Variants in ZPBP2 observed in about 807,000 individuals in gnomAD.
ZPBP2 encodes the protein zona pellucida binding protein 2.
Under a neutral mutation model 37.5 loss-of-function variants are expected in ZPBP2, and 34 were observed. The observed-to-expected ratio is 0.91, with a 90% CI of 0.69 to 1.21. The LOEUF is 1.21. Ranked by LOEUF, ZPBP2 falls within the 50% of genes most tolerant of loss-of-function variation. The probability of loss-of-function intolerance (pLI) is 0.00; values close to 1 mark genes in which losing one functional copy is unlikely to be tolerated. For synonymous variants in ZPBP2, 143 were observed against 138.4 expected (o/e 1.03, Z -0.23); for missense variants, 397 against 413.5 (o/e 0.96, Z 0.35).
Position 39,871,570 on chromosome 17 carries a change from A to G in ZPBP2, c.351A>G (p.Lys117=). The change falls in exon 4 of 8, where the codon AAA becomes AAG. Residue 117 remains lysine (K), a synonymous_variant. Transcript: ENST00000348931. ...GTACTCTTTCTTATAAGACTGTTAA[A>G]GCAGAAACTCAAGAAGAAAAAACAG... ...YTCTLSYKTV[K]AETQEEKTVK... is the part of the protein sequence containing the mutation. The G allele has an allele frequency of 6.2e-7, 1 of 1,601,184 alleles. No individual in the cohort carries two copies. The highest frequency in any genetic ancestry group is 8.5e-7 in the Non-Finnish European group (1 of 1,175,302).
Position 39,873,056 on chromosome 17 carries a change from C to T in ZPBP2, c.638C>T (p.Ala213Val), listed in dbSNP as rs1320691415. The T allele has an allele frequency of 5.0e-6, 8 of 1,610,264 alleles. No individual in the cohort carries two copies. The highest frequency in any genetic ancestry group is 1.7e-5 in the Admixed American group (1 of 59,482). ...TTTTTCTCTTCAGTTAATCCTTTTG[C>T]GCCGGGGTGGAAAGGTGCTTGCAAT... ...LFIAFQVNPF[A>V]PGWKGACNGS... is the part of the protein sequence containing the mutation. Residue 213 changes from alanine (A) to valine (V), a missense_variant, in exon 6 of 8, where the codon GCG (alanine) becomes GTG (valine). Ala to Val is a moderately conservative substitution (Grantham distance 64). Transcript: ENST00000348931.
chr17:39,869,554 G>A (rs1351893818), intron 2 of ZPBP2, among the ~76,000 whole-genome samples: 12 of 141,158 alleles, frequency 8.5e-5, no homozygotes, highest in South Asian at 2.3e-4. Context: ...ACAGGCGTGC[G>A]CCACCACGCC....
At chr17:39,870,158 C>T (rs1039171661) in intron 2 of ZPBP2, among the ~76,000 whole-genome samples, 2 of 152,192 alleles carry the variant, frequency 1.3e-5, no homozygotes, top group African/African-American at 4.8e-5. Flanking sequence ...AGTCTCCTCC[C>T]TCAGCCTCCC....
chr17:39,875,739 CT>C (rs1259551916), intron 7 of ZPBP2, among the ~76,000 whole-genome samples: 1 of 151,726 alleles, frequency 6.6e-6, no homozygotes, highest in Non-Finnish European at 1.5e-5. Flanking sequence ...GCTACCACAG[CT>C]GGCTAATTTT....
intron 7 of ZPBP2, 112 bp from the exon 8 acceptor site, chr17:39,876,570 G>A: frequency 8.2e-7 from 1 of 1,220,152 alleles, no homozygotes; most frequent in South Asian, 1.4e-5. Context: ...TATAGGTACT[G>A]AAATGGTATG....
Position 39,871,017 on chromosome 17 carries a change from C to T in ZPBP2, c.244+198C>T, listed in dbSNP as rs189018077. Among the ~76,000 whole-genome samples the T allele has an allele frequency of 3.5e-3, 534 of 152,150 alleles. 9 individuals are homozygous for T. Among genetic ancestry groups the T allele is most frequent in the Non-Finnish European group, 2.4e-3 (160 of 67,956 alleles). On this transcript the variant is annotated intron_variant, in intron 3 of 7. Coordinates refer to ENST00000348931, the MANE Select transcript of ZPBP2 (RefSeq NM_199321.3). ...AAAAACTGAAGCAGTAATTTTTGTG[C>T]CCTGCTTCTCAGAGCTGTATTAATT...
At chr17:39,868,989 G>C (rs1433564070) in intron 2 of ZPBP2, among the ~76,000 whole-genome samples, 2 of 152,078 alleles carry the variant, frequency 1.3e-5, no homozygotes, top group Admixed American at 6.5e-5. Context: ...AAACTCCCAC[G>C]CATCCTTCAG....
intron 7 of ZPBP2, 70 bp downstream of exon 7, chr17:39,875,504 G>T: frequency 9.0e-7 from 1 of 1,111,250 alleles, no homozygotes; most frequent in East Asian, 2.8e-5. Flanking sequence ...TAATTCACTT[G>T]GCATAACTGA....
At chr17:39,874,182 G>A (rs182735784) in intron 6 of ZPBP2, among the ~76,000 whole-genome samples, 104 of 151,804 alleles carry the variant, frequency 6.9e-4, no homozygotes, top group Admixed American at 1.5e-3. Context: ...TATCAGAGAC[G>A]GGGTTTCACC....
At position 39,875,347 on chromosome 17, in the gene ZPBP2, C is replaced by A; in HGVS notation, c.802C>A (p.His268Asn). 2 of 1,614,028 alleles carry A rather than the reference C, an allele frequency of 1.2e-6. No homozygotes were observed. The highest frequency in any genetic ancestry group is 1.7e-6 in the Non-Finnish European group (2 of 1,179,998). ...TCTACCAGCAATGCATTTTGTGGAC[C>A]ACAGTTTGCAAGTAGTACGTCTGGA... Reference protein sequence around the residue: ...KTLPAMHFVDHSLQVVRLDSC... With the variant: ...KTLPAMHFVDNSLQVVRLDSC... The change falls in exon 7 of 8, where the codon CAC becomes AAC. Residue 268 changes from histidine (H) to asparagine (N), a missense_variant. Physicochemically the swap from His to Asn is moderately conservative, Grantham distance 68. Coordinates refer to ENST00000348931, the MANE Select transcript of ZPBP2 (RefSeq NM_199321.3).
chr17:39,868,274 G>A lies in ZPBP2; in HGVS notation c.-81G>A, dbSNP rs2063344539. 2.0e-6 allele frequency: 3 copies of A among 1,513,972 alleles called. No individual in the cohort carries two copies. The highest frequency in any genetic ancestry group is 2.3e-4 in the Middle Eastern group (1 of 4,358). 93.8% of individuals were successfully genotyped at this position (1,513,972 alleles called of 1,614,324 possible). On this transcript the variant is annotated 5_prime_UTR_variant, in exon 1 of 8. Coordinates refer to ENST00000348931, the MANE Select transcript of ZPBP2 (RefSeq NM_199321.3). ...CGGCGTTCTGCTCCGCACTGTGGAG[G>A]AGGTGGGGAGGTGTTGGGCCAGGGC...
At chr17:39,871,165 C>A (rs1299972785) in intron 3 of ZPBP2, among the ~76,000 whole-genome samples, 2 of 152,042 alleles carry the variant, frequency 1.3e-5, no homozygotes, top group East Asian at 3.8e-4. Flanking sequence ...TAATTAGTTT[C>A]TTGTCTGAAG....
chr17:39,872,843 G>A (rs1157145394), intron 5 of ZPBP2, among the ~76,000 whole-genome samples: 2 of 152,154 alleles, frequency 1.3e-5, no homozygotes, highest in African/African-American at 4.8e-5. Context: ...AAGCCTTGTA[G>A]TTACTTACAT....
intron 3 of ZPBP2, among the ~76,000 whole-genome samples, chr17:39,871,161 G>A (rs981462358): frequency 2.6e-5 from 4 of 152,038 alleles, no homozygotes; most frequent in Non-Finnish European, 5.9e-5. Context: ...TTATTAATTA[G>A]TTTCTTGTCT....
chr17:39,870,859 A>G, intron 3 of ZPBP2, 40 bp downstream of exon 3: 1 of 1,411,876 alleles, frequency 7.1e-7, no homozygotes. Context: ...AATGATGTGA[A>G]CATATTTTTA....
At chr17:39,869,707 CTT>C (rs59544817) in intron 2 of ZPBP2, among the ~76,000 whole-genome samples, 70 of 92,986 alleles carry the variant, frequency 7.5e-4, no homozygotes, top group African/African-American at 2.2e-3. Flanking sequence ...ACCAGCCAAT[CTT>C]TTTTTTTTTT....
chr17:39,875,724 C>T (rs2063386704), intron 7 of ZPBP2, among the ~76,000 whole-genome samples: 3 of 151,510 alleles, frequency 2.0e-5, no homozygotes, highest in South Asian at 4.2e-4. Flanking sequence ...TCAGCCTCCC[C>T]AGTAGCTACC....
Position 39,875,376 on chromosome 17 carries a change from C to T in ZPBP2, c.831C>T (p.Ser277=). 1 of 1,613,994 alleles carries T rather than the reference C, an allele frequency of 6.2e-7. No homozygotes were observed. ...DHSLQVVRLD[S]CRPGFGKNER... ...GTTTGCAAGTAGTACGTCTGGATAG[C>T]TGTCGACCAGGCTTTGGAAAAAATG... The change falls in exon 7 of 8, where the codon AGC becomes AGT. Residue 277 remains serine (S), a synonymous_variant. Coordinates refer to ENST00000348931, the MANE Select transcript of ZPBP2 (RefSeq NM_199321.3).
intron 2 of ZPBP2, 131 bp downstream of exon 2, chr17:39,868,745 T>C: frequency 2.9e-6 from 3 of 1,034,324 alleles, no homozygotes; most frequent in Non-Finnish European, 4.4e-6. Context: ...AAGCATCTGC[T>C]TGGCAGTTCA....
Sources: allele counts gnomAD v4.1 joint callset (sites outside exome capture counted in the v4.1 genomes callset), GRCh38; gene constraint gnomAD v4.1.1; transcripts MANE v1.5; gene names NCBI Gene and HGNC (gene_info 2026-07-23, HGNC 2026-07-21).